The following SLC44A1 variants were observed in gnomAD, a reference collection of about 807,000 sequenced individuals.
SLC44A1 encodes the protein solute carrier family 44 member 1.
A neutral mutation model predicts 79.3 loss-of-function variants in SLC44A1; 26 were observed. The ratio of observed to expected loss-of-function variants is 0.33; its 90% CI spans 0.24 to 0.46. The LOEUF (loss-of-function observed/expected upper bound fraction) is 0.46, where lower values mean the gene tolerates loss of function less well. SLC44A1 is among the 20% of genes least tolerant of loss of function. The probability of loss-of-function intolerance (pLI) is 1.00; values close to 1 mark genes in which losing one functional copy is unlikely to be tolerated. For synonymous variants in SLC44A1, 263 were observed against 286.2 expected (o/e 0.92, Z 0.82); for missense variants, 688 against 798.1 (o/e 0.86, Z 1.66).
At chr9:105,428,982 G>A (rs1215789075) in intron 15 of SLC44A1, among the ~76,000 whole-genome samples, 5 of 152,190 alleles carry the variant, frequency 3.3e-5, no homozygotes, top group African/African-American at 1.2e-4. Flanking sequence ...GGGATTACAG[G>A]CATGAGCCAC....
chr9:105,401,492 A>C (rs951838669), downstream of SLC44A1, among the ~76,000 whole-genome samples: 1 of 152,226 alleles, frequency 6.6e-6, no homozygotes, highest in Non-Finnish European at 1.5e-5. Context: ...TGGGCTTTCA[A>C]TTTGAAAACA....
At chr9:105,323,306 A>G (rs1027703470) in intron 3 of SLC44A1, among the ~76,000 whole-genome samples, 3 of 152,164 alleles carry the variant, frequency 2.0e-5, no homozygotes, top group Non-Finnish European at 2.9e-5. Flanking sequence ...TATAAAAGCA[A>G]TACAATGGGA....
chr9:105,418,314 CAAAAAAA>C (rs10617928), intron 15 of SLC44A1, among the ~76,000 whole-genome samples: 10 of 57,946 alleles, frequency 1.7e-4, no homozygotes, highest in Non-Finnish European at 2.8e-4. Context: ...AACTCCGTCT[CAAAAAAA>C]AAAAAAAAAA....
chr9:105,286,043 G>A (rs2131263283), intron 1 of SLC44A1, among the ~76,000 whole-genome samples: 1 of 152,288 alleles, frequency 6.6e-6, no homozygotes, highest in East Asian at 1.9e-4. Flanking sequence ...GGAGGTTGCG[G>A]TGAGCCGAGA....
chr9:105,261,319 C>T (rs896376928), intron 1 of SLC44A1, among the ~76,000 whole-genome samples: 9 of 152,084 alleles, frequency 5.9e-5, no homozygotes, highest in Admixed American at 6.5e-5. Flanking sequence ...TCTGCCACAC[C>T]GCCTTCCCCC....
intron 15 of SLC44A1, among the ~76,000 whole-genome samples, chr9:105,410,220 A>T (rs1023050605): frequency 3.9e-5 from 6 of 152,194 alleles, no homozygotes; most frequent in Non-Finnish European, 7.3e-5. Flanking sequence ...ATGAAAGAAA[A>T]ATAGATAAAT....
intron 9 of SLC44A1, among the ~76,000 whole-genome samples, chr9:105,363,382 C>G (rs1043862859): frequency 6.6e-6 from 1 of 151,628 alleles, no homozygotes; most frequent in Non-Finnish European, 1.5e-5. Flanking sequence ...AGGCTGGTCT[C>G]GAACTCCTGA....
rs966300529 is a variant in SLC44A1, at chr9:105,393,510, G to A, written c.*4454G>A. ...TATACTCCATGTTTTAATTTTAAAA[G>A]GATAATTTTAATCCAAGATTTAAAT... On this transcript the variant is annotated 3_prime_UTR_variant, in exon 16 of 16. Transcript: ENST00000374720. 1.1e-5 allele frequency: 10 copies of A among 934,170 alleles called. No homozygotes were observed. Among genetic ancestry groups the A allele is most frequent in the African/African-American group, 1.8e-5 (1 of 56,092 alleles). The allele number at this position is 934,170 out of a possible 1,614,324, so 57.9% of individuals were successfully genotyped here.
intron 1 of SLC44A1, among the ~76,000 whole-genome samples, chr9:105,282,165 G>A (rs531513087): frequency 2.0e-5 from 3 of 152,046 alleles, no homozygotes; most frequent in South Asian, 4.2e-4. Context: ...TGGGTGTGGA[G>A]GTTTATAGAT....
Position 105,394,898 on chromosome 9 carries a change from C to A in SLC44A1, c.*5842C>A. The stretch of plus-strand genomic sequence containing the variant: ...AGATTCCTCTGCCAATAGAACTCCA[C>A]CCCCAGTCCCTTACCTACTCTATCT... On this transcript the variant is annotated 3_prime_UTR_variant, in exon 16 of 16. Transcript: ENST00000374720. The A allele has an allele frequency of 1.0e-6, 1 of 985,480 alleles. No individual in the cohort carries two copies. Among genetic ancestry groups the A allele is most frequent in the Non-Finnish European group, 1.2e-6 (1 of 829,978 alleles). The allele number at this position is 985,480 out of a possible 1,614,324, so 61.0% of individuals were successfully genotyped here.
intron 7 of SLC44A1, among the ~76,000 whole-genome samples, chr9:105,360,503 A>G (rs962328002): frequency 6.6e-6 from 1 of 152,192 alleles, no homozygotes; most frequent in African/African-American, 2.4e-5. Flanking sequence ...AGCATTCAAA[A>G]TGCTGAATGG....
At chr9:105,247,237 G>A (rs1480375928) in intron 1 of SLC44A1, among the ~76,000 whole-genome samples, 1 of 152,058 alleles carries the variant, frequency 6.6e-6, no homozygotes, top group Non-Finnish European at 1.5e-5. Context: ...AAACAAAATA[G>A]GGTTGCAACT....
chr9:105,342,042 C>T (rs922648341), intron 4 of SLC44A1, among the ~76,000 whole-genome samples: 1 of 152,176 alleles, frequency 6.6e-6, no homozygotes, highest in Non-Finnish European at 1.5e-5. Flanking sequence ...TTCCATCTTA[C>T]TTTCACTTTC....
chr9:105,316,463 T>C (rs890880574), intron 3 of SLC44A1, among the ~76,000 whole-genome samples: 3 of 152,204 alleles, frequency 2.0e-5, no homozygotes, highest in African/African-American at 7.2e-5. Flanking sequence ...TAGAAAAGTA[T>C]AGAATGACAT....
intron 1 of SLC44A1, among the ~76,000 whole-genome samples, chr9:105,266,511 T>A (rs866736308): frequency 1.9e-4 from 29 of 152,304 alleles, no homozygotes; most frequent in African/African-American, 6.3e-4. Flanking sequence ...TTGAGTTGGT[T>A]TTTTGTGTGT....
intron 15 of SLC44A1, among the ~76,000 whole-genome samples, chr9:105,405,286 A>T (rs572743690): frequency 2.0e-5 from 3 of 151,250 alleles, no homozygotes; most frequent in African/African-American, 7.3e-5. Flanking sequence ...GTGCCACTGC[A>T]CTCCAGCCTG....
intron 15 of SLC44A1, among the ~76,000 whole-genome samples, chr9:105,410,467 A>G (rs1215559682): frequency 6.6e-6 from 1 of 152,194 alleles, no homozygotes; most frequent in Non-Finnish European, 1.5e-5. Context: ...TGAAGCACAT[A>G]AAGAGATGCT....
chr9:105,410,224 G>A (rs1417736651), intron 15 of SLC44A1, among the ~76,000 whole-genome samples: 1 of 152,092 alleles, frequency 6.6e-6, no homozygotes, highest in Non-Finnish European at 1.5e-5. Flanking sequence ...AAGAAAAATA[G>A]ATAAATTGGA....
At chr9:105,425,726 G>T (rs879578455) in intron 15 of SLC44A1, among the ~76,000 whole-genome samples, 7 of 152,240 alleles carry the variant, frequency 4.6e-5, no homozygotes, top group Admixed American at 4.6e-4. Context: ...GGGAGGCTGA[G>T]GCAAGAGAAT....
Sources: gnomAD v4.1 joint callset for allele counts (sites outside exome capture counted in the v4.1 genomes callset) on GRCh38, gnomAD v4.1.1 for gene constraint, MANE v1.5 for transcripts, NCBI Gene and HGNC (gene_info 2026-07-23, HGNC 2026-07-21) for gene names.